Variants in STIM2 observed in about 807,000 individuals in gnomAD.
STIM2 encodes the protein stromal interaction molecule 2.
A neutral mutation model predicts 85.8 loss-of-function variants in STIM2; 31 were observed. The ratio of observed to expected loss-of-function variants is 0.36; its 90% CI spans 0.27 to 0.49. STIM2 has a LOEUF of 0.49. Among genes scored for constraint, STIM2 ranks in the 20% least tolerant of loss-of-function variants. The pLI is 0.98. For synonymous variants in STIM2, 356 were observed against 331.1 expected (o/e 1.08, Z -0.82); for missense variants, 841 against 927.6 (o/e 0.91, Z 1.21).
chr4:26,980,574 A>G (rs981576086), intron 3 of STIM2, among the ~76,000 whole-genome samples: 2 of 152,210 alleles, frequency 1.3e-5, no homozygotes, highest in African/African-American at 4.8e-5. Flanking sequence ...GAATTATTGA[A>G]TAGGCAATTA....
intron 1 of STIM2, among the ~76,000 whole-genome samples, chr4:26,867,238 G>A (rs1006744548): frequency 6.6e-6 from 1 of 152,144 alleles, no homozygotes; most frequent in African/African-American, 2.4e-5. Flanking sequence ...TTTATAGAAT[G>A]ATTTAAATTA....
intron 3 of STIM2, among the ~76,000 whole-genome samples, chr4:26,993,920 A>G (rs1305559830): frequency 1.3e-5 from 2 of 152,178 alleles, no homozygotes; most frequent in East Asian, 3.8e-4. Context: ...CTTCCAAAAT[A>G]AAGATAATTA....
intron 10 of STIM2, 116 bp downstream of exon 10, chr4:27,009,118 A>G (rs1050531925): frequency 1.3e-6 from 1 of 782,122 alleles, no homozygotes. Flanking sequence ...TTTATCCTTC[A>G]TTTTCTCTTT....
At chr4:26,928,275 G>C (rs1301600096) in intron 2 of STIM2, among the ~76,000 whole-genome samples, 1 of 152,038 alleles carries the variant, frequency 6.6e-6, no homozygotes, top group Admixed American at 6.6e-5. Flanking sequence ...TTTTGGAGGG[G>C]ACAAACATTC....
intron 3 of STIM2, among the ~76,000 whole-genome samples, chr4:26,973,479 C>A (rs1007221152): frequency 6.6e-6 from 1 of 152,084 alleles, no homozygotes; most frequent in African/African-American, 2.4e-5. Flanking sequence ...TTTATTTCTG[C>A]CTTCATTTCG....
chr4:26,929,220 A>G (rs867031427), intron 2 of STIM2, among the ~76,000 whole-genome samples: 9 of 152,336 alleles, frequency 5.9e-5, no homozygotes, highest in Middle Eastern at 3.4e-3. Context: ...TGTAACTTCT[A>G]GAAAACAAAA....
intron 2 of STIM2, among the ~76,000 whole-genome samples, chr4:26,953,539 T>G (rs1726131807): frequency 1.3e-5 from 2 of 152,096 alleles, no homozygotes; most frequent in African/African-American, 4.8e-5. Flanking sequence ...ATGCCTATGA[T>G]GATAAATCAC....
chr4:26,906,436 GTTTGT>G (rs1393274876), intron 1 of STIM2, among the ~76,000 whole-genome samples: 1 of 131,188 alleles, frequency 7.6e-6, no homozygotes, highest in African/African-American at 2.9e-5. Flanking sequence ...ATACAAGTTT[GTTTGT>G]TTTTTTTTTT....
chr4:26,987,507 TCTC>T (rs1727622675), intron 3 of STIM2, among the ~76,000 whole-genome samples: 1 of 152,148 alleles, frequency 6.6e-6, no homozygotes, highest in Non-Finnish European at 1.5e-5. Context: ...TACTCTCTCA[TCTC>T]CTGGAATTTC....
At chr4:26,904,683 G>A (rs909151192) in intron 1 of STIM2, among the ~76,000 whole-genome samples, 1 of 152,002 alleles carries the variant, frequency 6.6e-6, no homozygotes, top group African/African-American at 2.4e-5. Flanking sequence ...GACAGCCAGC[G>A]GGAATATTTT....
intron 4 of STIM2, among the ~76,000 whole-genome samples, chr4:26,997,225 A>C (rs771636518): frequency 5.3e-5 from 8 of 152,176 alleles, no homozygotes; most frequent in Non-Finnish European, 8.8e-5. Flanking sequence ...AGACATAAGA[A>C]CTAGTTACAA....
At chr4:26,993,490 T>A (rs773673993) in intron 3 of STIM2, among the ~76,000 whole-genome samples, 3 of 152,192 alleles carry the variant, frequency 2.0e-5, no homozygotes, top group Non-Finnish European at 4.4e-5. Flanking sequence ...GATGGAAACC[T>A]AGCTTTGCTT....
chr4:26,958,996 A>G (rs1577462955), intron 3 of STIM2, among the ~76,000 whole-genome samples: 1 of 152,110 alleles, frequency 6.6e-6, no homozygotes, highest in Admixed American at 6.6e-5. Flanking sequence ...GTCTTGTACT[A>G]CCTTTGTTCA....
At chr4:26,892,539 G>A (rs1420307282) in intron 1 of STIM2, among the ~76,000 whole-genome samples, 2 of 152,012 alleles carry the variant, frequency 1.3e-5, no homozygotes, top group Non-Finnish European at 2.9e-5. Context: ...GGGGGGGGAC[G>A]CATATATTCA....
intron 1 of STIM2, chr4:26,873,987 C>T (rs1434904639): frequency 4.3e-6 from 4 of 928,082 alleles, no homozygotes; most frequent in Non-Finnish European, 7.0e-6. Flanking sequence ...TTCTGTGCCC[C>T]TCTCTTTCTC....
intron 2 of STIM2, among the ~76,000 whole-genome samples, chr4:26,945,793 G>GT (rs1228726390): frequency 1.3e-4 from 19 of 150,748 alleles, no homozygotes; most frequent in East Asian, 1.9e-4. Flanking sequence ...TTTTAATGGG[G>GT]TTTTTTTTTC....
At chr4:26,861,416 G>A in intron 1 of STIM2, 47 bp downstream of exon 1, 2 of 1,281,632 alleles carry the variant, frequency 1.6e-6, no homozygotes, top group Non-Finnish European at 2.0e-6. Flanking sequence ...GCAGCGATGG[G>A]ACCCCCAACC....
At chr4:26,902,309 T>G (rs1723953803) in intron 1 of STIM2, among the ~76,000 whole-genome samples, 1 of 152,172 alleles carries the variant, frequency 6.6e-6, no homozygotes, top group Non-Finnish European at 1.5e-5. Flanking sequence ...CGTTCTCACT[T>G]ATTTTCTCAC....
At chr4:26,870,383 AT>A in intron 1 of STIM2, among the ~76,000 whole-genome samples, 1 of 152,044 alleles carries the variant, frequency 6.6e-6, no homozygotes, top group Non-Finnish European at 1.5e-5. Flanking sequence ...GTATGCATAT[AT>A]CAGATCAAAT....
Sources: gnomAD v4.1 joint callset for allele counts (sites outside exome capture counted in the v4.1 genomes callset) on GRCh38, gnomAD v4.1.1 for gene constraint, MANE v1.5 for transcripts, NCBI Gene and HGNC (gene_info 2026-07-23, HGNC 2026-07-21) for gene names.